Variants in SLC14A2 observed in about 807,000 individuals in gnomAD.
SLC14A2 encodes the protein urea transporter 2.
SLC14A2 carries 91 observed loss-of-function variants against 104.6 expected under a neutral mutation model. That is an observed-to-expected ratio of 0.87 (90% CI 0.73 to 1.04). SLC14A2 has a LOEUF of 1.04. Ranked by LOEUF, SLC14A2 falls within the 50% of genes least tolerant of loss-of-function variation. The pLI is 0.00. For synonymous variants in SLC14A2, 476 were observed against 466.4 expected (o/e 1.02, Z -0.27); for missense variants, 1,189 against 1,156.0 (o/e 1.03, Z -0.41).
chr18:45,244,562 G>A lies in SLC14A2; in HGVS notation c.-125+31371G>A, dbSNP rs202010970. 1.1e-4 allele frequency among the ~76,000 whole-genome samples: 16 copies of A among 152,018 alleles called. No individual in the cohort carries two copies. The East Asian group carries it at 3.1e-3, about 30-fold the overall frequency. Reference sequence around the variant, plus strand: ...AATCACTTGAACCCAGGAGGCAGAGGTTGCAATGAGCTGAGATTGTCCTAC... The same window carrying A: ...AATCACTTGAACCCAGGAGGCAGAGATTGCAATGAGCTGAGATTGTCCTAC... On this transcript the variant is annotated intron_variant, in intron 1 of 20. Coordinates refer to the SLC14A2 transcript ENST00000586448.
intron 2 of SLC14A2, among the ~76,000 whole-genome samples, chr18:45,583,721 G>A (rs1285936933): frequency 6.6e-6 from 1 of 151,978 alleles, no homozygotes; most frequent in Non-Finnish European, 1.5e-5. Flanking sequence ...TGTCAGGAGT[G>A]ATGTGCTGGT....
intron 2 of SLC14A2, among the ~76,000 whole-genome samples, chr18:45,501,561 G>A (rs1184344558): frequency 1.3e-5 from 2 of 152,200 alleles, no homozygotes; most frequent in African/African-American, 4.8e-5. Flanking sequence ...TGTTGAACAG[G>A]GTGCAGGTGA....
chr18:45,307,094 C>G (rs2085029930), intron 1 of SLC14A2, among the ~76,000 whole-genome samples: 1 of 152,114 alleles, frequency 6.6e-6, no homozygotes, highest in Non-Finnish European at 1.5e-5. Flanking sequence ...TTGAGGGCAT[C>G]AGTCTTCATT....
intron 1 of SLC14A2, among the ~76,000 whole-genome samples, chr18:45,226,433 T>C (rs1383150199): frequency 6.6e-6 from 1 of 151,976 alleles, no homozygotes; most frequent in Non-Finnish European, 1.5e-5. Context: ...TGTCCATCAA[T>C]GACAAATTGG....
chr18:45,569,319 T>C (rs2044313303), intron 2 of SLC14A2, among the ~76,000 whole-genome samples: 1 of 152,256 alleles, frequency 6.6e-6, no homozygotes. Context: ...TGCTCTCAAC[T>C]ATCTCCCTAT....
chr18:45,578,729 T>C (rs1397358864), intron 2 of SLC14A2, among the ~76,000 whole-genome samples: 2 of 152,260 alleles, frequency 1.3e-5, no homozygotes, highest in Non-Finnish European at 2.9e-5. Context: ...CTCAAGCCTC[T>C]GATTCCTCAT....
intron 1 of SLC14A2, among the ~76,000 whole-genome samples, chr18:45,397,317 C>A (rs1227258878): frequency 6.6e-6 from 1 of 152,134 alleles, no homozygotes; most frequent in Non-Finnish European, 1.5e-5. Flanking sequence ...CAACTTTGAC[C>A]ACATCTGTGA....
chr18:45,502,388 G>C (rs530856756), intron 2 of SLC14A2, among the ~76,000 whole-genome samples: 1 of 152,152 alleles, frequency 6.6e-6, no homozygotes, highest in African/African-American at 2.4e-5. Context: ...ATCTCATCCC[G>C]GTAACCCAGA....
At chr18:45,533,968 C>T (rs536409319) in intron 2 of SLC14A2, among the ~76,000 whole-genome samples, 7 of 152,058 alleles carry the variant, frequency 4.6e-5, no homozygotes, top group South Asian at 2.1e-4. Context: ...ACCCAAATCA[C>T]GAAGAATGTA....
At chr18:45,629,175 C>T (rs545463763) in intron 4 of SLC14A2, among the ~76,000 whole-genome samples, 16 of 152,290 alleles carry the variant, frequency 1.1e-4, no homozygotes, top group Admixed American at 5.2e-4. Context: ...CAGGCCCAGC[C>T]GACGTTCCTC....
intron 2 of SLC14A2, among the ~76,000 whole-genome samples, chr18:45,524,232 C>A (rs2043558988): frequency 6.6e-6 from 1 of 152,204 alleles, no homozygotes; most frequent in African/African-American, 2.4e-5. Context: ...GACCTGTTTT[C>A]CTCTTGAACC....
At chr18:45,181,546 C>A in the SLC14A2 span, among the ~76,000 whole-genome samples, 1 of 152,156 alleles carries the variant, frequency 6.6e-6, no homozygotes. Flanking sequence ...TTCTTCCAAA[C>A]CTGCTTTTAT....
intron 10 of SLC14A2, among the ~76,000 whole-genome samples, chr18:45,663,103 G>A (rs2045959376): frequency 1.3e-5 from 2 of 152,166 alleles, no homozygotes; most frequent in South Asian, 4.1e-4. Flanking sequence ...ATTGGTATTG[G>A]TCAGGCTTTA....
At position 45,258,837 on chromosome 18, in the gene SLC14A2, G is replaced by C. The variant is rs945857786; in HGVS notation, c.-125+45646G>C. On this transcript the variant is annotated intron_variant, in intron 1 of 20. Transcript: ENST00000586448. ...CCAAAGATGACTAGGGGTGTGACTT[G>C]ATCAGGCTCCTAGAGGAGAATTTGA... is the stretch of plus-strand genomic sequence containing the variant. Among the ~76,000 whole-genome samples, 13 of 152,016 alleles carry C rather than the reference G, an allele frequency of 8.6e-5. 5 individuals carry two copies. The highest frequency in any genetic ancestry group is 2.9e-4 in the African/African-American group (12 of 41,332).
chr18:45,174,824 G>A, the SLC14A2 span, among the ~76,000 whole-genome samples: 1 of 152,158 alleles, frequency 6.6e-6, no homozygotes, highest in Non-Finnish European at 1.5e-5. Context: ...CATATGAACA[G>A]AGAGCTAACA....
At chr18:45,175,850 G>C in the SLC14A2 span, among the ~76,000 whole-genome samples, 1 of 152,138 alleles carries the variant, frequency 6.6e-6, no homozygotes, top group Non-Finnish European at 1.5e-5. Flanking sequence ...TCAGCTTGCT[G>C]TGCCCTTAAT....
At chr18:45,246,443 A>G (rs984659564) in intron 1 of SLC14A2, among the ~76,000 whole-genome samples, 13 of 152,226 alleles carry the variant, frequency 8.5e-5, no homozygotes, top group Admixed American at 7.9e-4. Flanking sequence ...ATTAAATAAT[A>G]CATATTTTAT....
At chr18:45,401,914 A>T (rs986800291) in intron 1 of SLC14A2, among the ~76,000 whole-genome samples, 1 of 152,226 alleles carries the variant, frequency 6.6e-6, no homozygotes, top group African/African-American at 2.4e-5. Flanking sequence ...AGGGAGTTAA[A>T]TCTGGACCTG....
At chr18:45,566,121 A>G (rs2044263140) in intron 2 of SLC14A2, among the ~76,000 whole-genome samples, 1 of 152,234 alleles carries the variant, frequency 6.6e-6, no homozygotes, top group South Asian at 2.1e-4. Context: ...AATAACCCAA[A>G]TGTCAATTCA....
Sources: gnomAD v4.1 joint callset for allele counts (sites outside exome capture counted in the v4.1 genomes callset) on GRCh38, gnomAD v4.1.1 for gene constraint, MANE v1.5 for transcripts, NCBI Gene and HGNC (gene_info 2026-07-23, HGNC 2026-07-21) for gene names.